Variants in TEC observed in about 807,000 individuals in gnomAD.
The protein encoded by TEC is tyrosine-protein kinase Tec.
Under a neutral mutation model 93.0 loss-of-function variants are expected in TEC, and 72 were observed. The ratio of observed to expected loss-of-function variants is 0.77; its 90% CI spans 0.64 to 0.94. TEC has a LOEUF of 0.94. Among genes scored for constraint, TEC ranks in the 40% least tolerant of loss-of-function variants. TEC has a pLI of 0.00. For missense variants in TEC, 630 were observed against 757.9 expected, an observed-to-expected ratio of 0.83 and a Z score of 1.98; for synonymous variants, 249 against 247.7, an observed-to-expected ratio of 1.01 and a Z score of -0.05.
intron 1 of TEC, among the ~76,000 whole-genome samples, chr4:48,255,155 C>A (rs1724307261): frequency 6.6e-6 from 1 of 152,182 alleles, no homozygotes; most frequent in South Asian, 2.1e-4. Context: ...CTGACTCCTG[C>A]ACTTCAAACA....
chr4:48,188,989 A>C (rs1721998940), intron 2 of TEC, among the ~76,000 whole-genome samples: 1 of 152,178 alleles, frequency 6.6e-6, no homozygotes, highest in Non-Finnish European at 1.5e-5. Flanking sequence ...TTGGATAAAC[A>C]TTTGTAATTA....
intron 1 of TEC, among the ~76,000 whole-genome samples, chr4:48,258,439 C>A (rs974971329): frequency 6.6e-6 from 1 of 152,118 alleles, no homozygotes; most frequent in Admixed American, 6.6e-5. Flanking sequence ...CTAAGCCCAG[C>A]CCTAAATGCA....
chr4:48,187,302 G>A (rs1465642452), intron 2 of TEC, among the ~76,000 whole-genome samples: 4 of 152,236 alleles, frequency 2.6e-5, no homozygotes, highest in East Asian at 3.9e-4. Context: ...GCGGAAGGCC[G>A]CAGGGTCCTC....
At chr4:48,179,368 ATATATATATTTTTTTT>A (rs1227182368) in intron 2 of TEC, among the ~76,000 whole-genome samples, 186 of 37,466 alleles carry the variant, frequency 5.0e-3, no homozygotes, top group East Asian at 0.015. Flanking sequence ...ATATATATAT[ATATATATATTTTTTTT>A]TTTTTTTTTT....
At chr4:48,189,116 C>T (rs1054861588) in intron 2 of TEC, among the ~76,000 whole-genome samples, 7 of 152,170 alleles carry the variant, frequency 4.6e-5, no homozygotes, top group Non-Finnish European at 8.8e-5. Context: ...TAAAGGAAAA[C>T]ATTAGATAAA....
intron 11 of TEC, 36 bp downstream of exon 11, chr4:48,149,521 C>T (rs1179786449): frequency 7.7e-6 from 12 of 1,551,956 alleles, no homozygotes; most frequent in Non-Finnish European, 8.7e-6. Flanking sequence ...TTAATCACTA[C>T]CTTATATTTG....
chr4:48,216,257 AC>A lies in TEC; in HGVS notation c.138+12219del, dbSNP rs772555979. Among the ~76,000 whole-genome samples, 327 of 149,886 alleles carry A rather than the reference AC, an allele frequency of 2.2e-3. 4 individuals carry two copies. Among genetic ancestry groups the A allele is most frequent in the African/African-American group, 6.8e-3 (276 of 40,608 alleles). On this transcript the variant is annotated intron_variant, in intron 2 of 17. Coordinates refer to ENST00000381501, the MANE Select transcript of TEC (RefSeq NM_003215.3). ...TCTACGCCCCAGGAAAAAAAAAAAA[AC>A]AAAAAACTGTATACAGGTCTATACT...
chr4:48,189,382 C>A (rs1722012088), intron 2 of TEC, among the ~76,000 whole-genome samples: 2 of 152,078 alleles, frequency 1.3e-5, no homozygotes, highest in South Asian at 4.2e-4. Context: ...CAGGTAAAAC[C>A]CCATAAAGGT....
intron 1 of TEC, among the ~76,000 whole-genome samples, chr4:48,259,858 C>T (rs1379411928): frequency 1.3e-5 from 2 of 152,114 alleles, no homozygotes; most frequent in African/African-American, 4.8e-5. Context: ...GCCATGATTA[C>T]TCAAGCAGTA....
At chr4:48,209,465 T>C (rs1458930780) in intron 2 of TEC, among the ~76,000 whole-genome samples, 1 of 151,332 alleles carries the variant, frequency 6.6e-6, no homozygotes, top group African/African-American at 2.4e-5. Flanking sequence ...TAACAAATAA[T>C]TAGTTGGGCA....
chr4:48,150,303 C>A (rs899599053), intron 10 of TEC, among the ~76,000 whole-genome samples: 2 of 152,156 alleles, frequency 1.3e-5, no homozygotes, highest in Non-Finnish European at 2.9e-5. Flanking sequence ...TACTCTCTCC[C>A]GTCTAGGTCC....
chr4:48,171,522 G>A, intron 3 of TEC, 73 bp from the exon 4 acceptor site: 1 of 1,128,630 alleles, frequency 8.9e-7, no homozygotes. Context: ...CAGAACCCTT[G>A]GTACTACAGA....
intron 1 of TEC, among the ~76,000 whole-genome samples, chr4:48,265,497 G>GTATATA (rs1553896941): frequency 8.4e-6 from 1 of 118,676 alleles, no homozygotes; most frequent in African/African-American, 3.2e-5. Flanking sequence ...ATATATGTGT[G>GTATATA]TATATATATA....
intron 2 of TEC, among the ~76,000 whole-genome samples, chr4:48,221,945 G>A (rs886387068): frequency 6.6e-6 from 1 of 152,108 alleles, no homozygotes; most frequent in African/African-American, 2.4e-5. Context: ...AAATCCAGTA[G>A]GTAACACAGA....
intron 2 of TEC, among the ~76,000 whole-genome samples, chr4:48,186,825 C>A (rs1410966517): frequency 2.0e-5 from 3 of 150,340 alleles, no homozygotes; most frequent in African/African-American, 7.4e-5. Context: ...GGGGGCGCCT[C>A]CGCCCACCCA....
rs1309211010 is a variant in TEC, at chr4:48,167,804, A to G, written c.645T>C (p.His215=). The G allele has an allele frequency of 2.5e-6, 4 of 1,613,706 alleles. No homozygotes were observed. Among genetic ancestry groups the G allele is most frequent in the Non-Finnish European group, 3.4e-6 (4 of 1,179,820 alleles). ...CATATTTATCTCTTGCTCTCCACCA[A>G]TGAACATCATTCTTTTCTAAAATGA... ...EYLILEKNDV[H]WWRARDKYGN... The change falls in exon 7 of 18, where the codon CAT becomes CAC. Residue 215 remains histidine, a synonymous_variant. Coordinates refer to ENST00000381501, the MANE Select transcript of TEC (RefSeq NM_003215.3).
chr4:48,212,345 T>C (rs891348154), intron 2 of TEC, among the ~76,000 whole-genome samples: 1 of 151,988 alleles, frequency 6.6e-6, no homozygotes, highest in Non-Finnish European at 1.5e-5. Context: ...AACATATGAA[T>C]AGAGGTGGTC....
chr4:48,151,138 C>A (rs577666085), intron 9 of TEC, among the ~76,000 whole-genome samples, 196 bp from the exon 10 acceptor site: 1 of 152,098 alleles, frequency 6.6e-6, no homozygotes, highest in Non-Finnish European at 1.5e-5. Context: ...CAAATTACTG[C>A]GCTAGGAGAG....
intron 2 of TEC, among the ~76,000 whole-genome samples, chr4:48,179,369 T>C (rs1316708354): frequency 1.8e-4 from 7 of 39,148 alleles, no homozygotes; most frequent in Non-Finnish European, 3.4e-4. Flanking sequence ...TATATATATA[T>C]ATATATATTT....
Sources: gnomAD v4.1 joint callset for allele counts (sites outside exome capture counted in the v4.1 genomes callset) on GRCh38, gnomAD v4.1.1 for gene constraint, MANE v1.5 for transcripts, NCBI Gene and HGNC (gene_info 2026-07-23, HGNC 2026-07-21) for gene names.